Variants in BET1 observed in about 807,000 individuals in gnomAD.
BET1 encodes the protein BET1 homolog.
In BET1, 9 loss-of-function variants were observed where a neutral mutation model predicts 13.9. That is an observed-to-expected ratio of 0.65 (90% CI 0.39 to 1.13). The LOEUF is 1.13. Ranked by LOEUF, BET1 falls within the 50% of genes most tolerant of loss-of-function variation. The pLI, the probability that BET1 is intolerant of heterozygous loss-of-function variation, is 0.01. For synonymous variants in BET1, 39 were observed against 47.3 expected (o/e 0.82, Z 0.72); for missense variants, 127 against 133.6 (o/e 0.95, Z 0.24).
At chr7:93,988,276 T>C (rs1339802945), downstream of BET1, among the ~76,000 whole-genome samples, 2 of 152,194 alleles carry the variant, frequency 1.3e-5, no homozygotes, top group African/African-American at 4.8e-5. Flanking sequence ...TTTATGTTCT[T>C]TATTATTAGG....
exon 5 of BET1, chr7:93,976,086 A>G: frequency 3.2e-6 from 4 of 1,244,284 alleles, no homozygotes; most frequent in Non-Finnish European, 4.2e-6. Context: ...AAATCCCTGG[A>G]ACCTGAAGGA....
At chr7:93,992,577 G>C, downstream of BET1, 1 of 985,362 alleles carries the variant, frequency 1.0e-6, no homozygotes, top group Non-Finnish European at 1.2e-6. Flanking sequence ...TTGAATGAAT[G>C]AGTCACTCTC....
chr7:93,963,719 G>C (rs1279925310), exon 7 of BET1: 1 of 152,016 alleles, frequency 6.6e-6, no homozygotes, highest in East Asian at 1.9e-4. Context: ...TTTTAGTAAT[G>C]ACAAATTTCC....
intron 1 of BET1, 73 bp from the exon 2 acceptor site, chr7:93,999,367 G>A: frequency 6.5e-7 from 1 of 1,527,852 alleles, no homozygotes. Flanking sequence ...GGAAAGAACT[G>A]AAAAAGACCC....
At chr7:93,992,714 C>T (rs924419461), downstream of BET1, 9 of 973,074 alleles carry the variant, frequency 9.2e-6, no homozygotes, top group Middle Eastern at 5.2e-4. Context: ...TGAGAACCAA[C>T]ATTTATTGAG....
intron 6 of BET1, among the ~76,000 whole-genome samples, chr7:93,966,297 A>G (rs1165319103): frequency 6.6e-6 from 1 of 152,004 alleles, no homozygotes; most frequent in African/African-American, 2.4e-5. Flanking sequence ...TTTATATTTA[A>G]AATTTAAAAC....
intron 1 of BET1, among the ~76,000 whole-genome samples, chr7:94,003,087 C>T (rs1795946528): frequency 6.6e-6 from 1 of 152,144 alleles, no homozygotes; most frequent in Non-Finnish European, 1.5e-5. Flanking sequence ...CTAGAGCTTA[C>T]TCAAGCACAC....
At chr7:93,986,781 T>C (rs10261963) in intron 4 of BET1, among the ~76,000 whole-genome samples, 6,777 of 152,272 alleles carry the variant, frequency 0.045, 508 homozygotes, top group African/African-American at 0.16. Context: ...CATTGTAACA[T>C]TGCAAAAATT....
At chr7:93,983,997 G>A (rs2116075747) in intron 4 of BET1, among the ~76,000 whole-genome samples, 1 of 152,216 alleles carries the variant, frequency 6.6e-6, no homozygotes, top group African/African-American at 2.4e-5. Context: ...TAACAAATTG[G>A]TAGCTGAAAA....
chr7:93,988,827 T>C (rs1210988183), downstream of BET1, among the ~76,000 whole-genome samples: 3 of 151,426 alleles, frequency 2.0e-5, no homozygotes, highest in African/African-American at 7.3e-5. Flanking sequence ...CTTCCTTCCT[T>C]TTCATTTTTG....
At chr7:93,999,068 A>G (rs1213347280) in intron 2 of BET1, 102 bp downstream of exon 2, 4 of 932,980 alleles carry the variant, frequency 4.3e-6, no homozygotes, top group Non-Finnish European at 5.7e-6. Flanking sequence ...GTATCTGAGT[A>G]AATGAATTCC....
rs766522537 is a variant in BET1 at position 93,975,768 on chromosome 7, A to C, written c.*48+136T>G. ...CAGATATAATGGGTATAGGTGGAAA[A>C]TGCTACTTTCTCTTGAGTAATTGAA... On this transcript the variant is annotated intron_variant and NMD_transcript_variant, in intron 5 of 6. Coordinates refer to the BET1 transcript ENST00000357520. The C allele has an allele frequency of 1.7e-4, 55 of 322,338 alleles. 1 individual carries two copies. Among genetic ancestry groups the C allele is most frequent in the Non-Finnish European group, 2.7e-4 (54 of 203,698 alleles). The allele number at this position is 322,338 out of a possible 1,614,324, so 20.0% of individuals were successfully genotyped here. A position where few individuals can be genotyped will look rare whatever the true frequency, so the allele number is the denominator to read the frequency against.
At chr7:93,993,185 G>C, downstream of BET1, 1 of 985,088 alleles carries the variant, frequency 1.0e-6, no homozygotes, top group Non-Finnish European at 1.2e-6. Flanking sequence ...GTTGGAATCT[G>C]AGTTGTCAGG....
Position 93,996,329 on chromosome 7 carries a change from G to T in BET1, c.145-8C>A. 1 of 1,559,694 alleles carries T rather than the reference G, an allele frequency of 6.4e-7. No homozygotes were observed. Among genetic ancestry groups the T allele is most frequent in the South Asian group, 1.2e-5 (1 of 84,164 alleles). On this transcript the variant is annotated splice_region_variant and splice_polypyrimidine_tract_variant and intron_variant, in intron 2 of 3. Coordinates refer to ENST00000222547, the MANE Select transcript of BET1 (RefSeq NM_005868.6). Reference sequence around the variant, plus strand: ...GCCTATTTCAATGGAAAGCTATAAAGAAGAAGGTATACACAGGATTACTCA... The same window carrying T: ...GCCTATTTCAATGGAAAGCTATAAATAAGAAGGTATACACAGGATTACTCA...
intron 4 of BET1, among the ~76,000 whole-genome samples, chr7:93,983,176 G>C (rs1044144390): frequency 1.3e-5 from 2 of 152,152 alleles, no homozygotes; most frequent in African/African-American, 4.8e-5. Context: ...TTTTTGACCT[G>C]TCATTGTCTA....
chr7:93,973,015 C>A (rs1203219533), intron 5 of BET1, among the ~76,000 whole-genome samples: 1 of 151,748 alleles, frequency 6.6e-6, no homozygotes, highest in East Asian at 1.9e-4. Context: ...AACTTTAAAA[C>A]TAGAAATTTT....
rs1272708368 is a variant in BET1, at chr7:93,994,166, T to G, written c.*64A>C. 1.3e-6 allele frequency: 2 copies of G among 1,530,584 alleles called. No individual in the cohort carries two copies. The highest frequency in any genetic ancestry group is 2.8e-5 in the African/African-American group (2 of 72,148). 94.8% of individuals were successfully genotyped at this position (1,530,584 alleles called of 1,614,324 possible). A position where few individuals can be genotyped will look rare whatever the true frequency, so the allele number is the denominator to read the frequency against. On this transcript the variant is annotated 3_prime_UTR_variant, in exon 4 of 4. Transcript: ENST00000222547. ...ACACTAGGAATGTTTTGATGCTGAT[T>G]TTTATCAAAGTGGTACTGCAAGCCA...
At chr7:93,988,058 C>T (rs571295003) in intron 4 of BET1, among the ~76,000 whole-genome samples, 4 of 152,168 alleles carry the variant, frequency 2.6e-5, no homozygotes, top group Non-Finnish European at 2.9e-5. Flanking sequence ...TTATTAGGGG[C>T]CTTTTATGGT....
At chr7:93,986,804 T>C (rs771954763) in intron 4 of BET1, among the ~76,000 whole-genome samples, 15 of 152,212 alleles carry the variant, frequency 9.9e-5, no homozygotes, top group Non-Finnish European at 1.8e-4. Context: ...TATAATCTAG[T>C]GATGTAGCTA....
Sources: gnomAD v4.1 joint callset for allele counts (sites outside exome capture counted in the v4.1 genomes callset) on GRCh38, gnomAD v4.1.1 for gene constraint, MANE v1.5 for transcripts, NCBI Gene and HGNC (gene_info 2026-07-23, HGNC 2026-07-21) for gene names.